Variants in GTF2A2 observed in about 807,000 individuals in gnomAD.
The protein encoded by GTF2A2 is transcription initiation factor IIA subunit 2.
Under a neutral mutation model 14.3 loss-of-function variants are expected in GTF2A2, and 9 were observed. The ratio of observed to expected loss-of-function variants is 0.63; its 90% CI spans 0.38 to 1.10. GTF2A2 has a LOEUF of 1.10. GTF2A2 is among the 50% of genes least tolerant of loss of function. The pLI, the probability that GTF2A2 is intolerant of heterozygous loss-of-function variation, is 0.01. For missense variants in GTF2A2, 90 were observed against 124.6 expected (o/e 0.72, Z 1.32); for synonymous variants, 56 against 46.0 (o/e 1.22, Z -0.88).
chr15:59,642,386 C>CCTTAA (rs1318539878), intron 3 of GTF2A2, 124 bp from the exon 4 acceptor site: 12 of 786,572 alleles, frequency 1.5e-5, no homozygotes, highest in Admixed American at 3.3e-5. Flanking sequence ...TTAAGATTTT[C>CCTTAA]CTTAACTTTA....
At chr15:59,647,840 G>A (rs1891656659) in intron 3 of GTF2A2, among the ~76,000 whole-genome samples, 1 of 152,034 alleles carries the variant, frequency 6.6e-6, no homozygotes. Flanking sequence ...AAAGTGCTGG[G>A]GTTACAGGCA....
intron 1 of GTF2A2, 109 bp from the exon 2 acceptor site, chr15:59,652,435 T>G (rs1055858005): frequency 1.2e-5 from 7 of 560,162 alleles, no homozygotes; most frequent in Non-Finnish European, 2.2e-5. Context: ...GGAGAACGCT[T>G]AGTGGTTGCA....
chr15:59,641,179 CTCTTTTTTT>C (rs1297532260), intron 4 of GTF2A2, among the ~76,000 whole-genome samples: 5 of 77,786 alleles, frequency 6.4e-5, no homozygotes, highest in African/African-American at 2.0e-4. Flanking sequence ...TACAGCAAGA[CTCTTTTTTT>C]TTTTTTTTTT....
At chr15:59,646,416 C>G (rs578055810) in intron 3 of GTF2A2, among the ~76,000 whole-genome samples, 2 of 152,268 alleles carry the variant, frequency 1.3e-5, no homozygotes, top group African/African-American at 4.8e-5. Flanking sequence ...CACCCTTTCC[C>G]CAAAGTTCCC....
rs1447690706 is a variant in GTF2A2, at chr15:59,638,842, C to CT, written c.*289dup. 3 of 315,912 alleles carry CT rather than the reference C, an allele frequency of 9.5e-6. No individual in the cohort carries two copies. Among genetic ancestry groups the CT allele is most frequent in the Non-Finnish European group, 1.7e-5 (3 of 171,730 alleles). The allele number at this position is 315,912 out of a possible 1,614,324, so 19.6% of individuals were successfully genotyped here. On this transcript the variant is annotated 3_prime_UTR_variant, in exon 5 of 5. Transcript: ENST00000396060. ...TTATCTAATATCTTCATATTGCTACCTTAATAGCTTCACCAGTTATTACTC... is the reference window on the plus strand; with the variant it reads ...TTATCTAATATCTTCATATTGCTACCTTTAATAGCTTCACCAGTTATTACTC...
At chr15:59,640,257 TGTATA>T (rs746285947) in intron 4 of GTF2A2, 9 of 152,086 alleles carry the variant, frequency 5.9e-5, no homozygotes, top group Non-Finnish European at 1.0e-4. Context: ...AAAACAATCT[TGTATA>T]GTAAAGAGAA....
intron 3 of GTF2A2, 63 bp downstream of exon 3, chr15:59,650,604 TAA>T: frequency 1.1e-6 from 1 of 879,302 alleles, no homozygotes; most frequent in Non-Finnish European, 1.8e-6. Context: ...GTAGGGGTCC[TAA>T]AAAAAAATCA....
intron 4 of GTF2A2, among the ~76,000 whole-genome samples, chr15:59,641,143 C>T (rs1891407117): frequency 6.7e-6 from 1 of 149,476 alleles, no homozygotes. Context: ...CACCTGAGCC[C>T]AGGAGTTTAA....
At chr15:59,641,179 CTCTT>C (rs1326801425) in intron 4 of GTF2A2, among the ~76,000 whole-genome samples, 2 of 77,786 alleles carry the variant, frequency 2.6e-5, no homozygotes, top group Non-Finnish European at 5.2e-5. Context: ...TACAGCAAGA[CTCTT>C]TTTTTTTTTT....
In GTF2A2 at chr15:59,639,375, T is replaced by G. The variant is rs189845338; in HGVS notation, c.305-218A>C. Among the ~76,000 whole-genome samples the G allele has an allele frequency of 6.1e-3, 926 of 152,096 alleles. 4 individuals are homozygous for G. The highest frequency in any genetic ancestry group is 0.011 in the Non-Finnish European group (748 of 67,860). ...ATACAAAGATGCTTAGCTCCTCATA[T>G]TCATACTAGAGTAAAACTAAGTTGA... On this transcript the variant is annotated intron_variant, in intron 4 of 4. Transcript: ENST00000396060.
chr15:59,642,874 C>A (rs945740057), intron 3 of GTF2A2, among the ~76,000 whole-genome samples: 16 of 152,172 alleles, frequency 1.1e-4, no homozygotes, highest in African/African-American at 3.6e-4. Context: ...TCAAGAGATT[C>A]TCCTACCTCA....
intron 3 of GTF2A2, among the ~76,000 whole-genome samples, chr15:59,643,677 A>C (rs1891509587): frequency 6.7e-6 from 1 of 148,450 alleles, no homozygotes. Context: ...AGCTCACTGC[A>C]ACCTCCACTT....
At chr15:59,640,950 T>A (rs1891399151) in intron 4 of GTF2A2, among the ~76,000 whole-genome samples, 1 of 152,202 alleles carries the variant, frequency 6.6e-6, no homozygotes, top group Admixed American at 6.5e-5. Context: ...TAGGTAACCT[T>A]CTGAACTATA....
Position 59,650,774 on chromosome 15 carries a change from CTG to C in GTF2A2, c.73-3_73-2del. The C allele has an allele frequency of 6.5e-7, 1 of 1,541,626 alleles. No individual in the cohort carries two copies. The highest frequency in any genetic ancestry group is 9.0e-7 in the Non-Finnish European group (1 of 1,115,204). On this transcript the variant is annotated splice_acceptor_variant and splice_polypyrimidine_tract_variant and intron_variant, in intron 2 of 4. Coordinates refer to ENST00000396060, the MANE Select transcript of GTF2A2 (RefSeq NM_004492.3). LOFTEE classifies it high-confidence loss of function. Reference sequence around the variant, plus strand: ...CAAGTTGGGGGGTGATCTGTTGAGACTGAGAAAAGGTAAAGGTCATAAATCCC... The same window carrying C: ...CAAGTTGGGGGGTGATCTGTTGAGACAGAAAAGGTAAAGGTCATAAATCCC...
intron 3 of GTF2A2, 123 bp from the exon 4 acceptor site, chr15:59,642,385 T>C (rs1243897014): frequency 2.5e-6 from 2 of 790,380 alleles, no homozygotes; most frequent in Non-Finnish European, 3.7e-6. Flanking sequence ...CTTAAGATTT[T>C]CCTTAACTTT....
intron 1 of GTF2A2, among the ~76,000 whole-genome samples, chr15:59,655,033 T>C (rs778622052): frequency 3.9e-5 from 6 of 152,208 alleles, no homozygotes; most frequent in Non-Finnish European, 8.8e-5. Context: ...TTGAACTCTA[T>C]ACCTATTTTT....
At chr15:59,650,346 G>A (rs554786012) in intron 3 of GTF2A2, among the ~76,000 whole-genome samples, 2 of 152,164 alleles carry the variant, frequency 1.3e-5, no homozygotes, top group African/African-American at 4.8e-5. Flanking sequence ...GGATTACTCC[G>A]CCACTTACCT....
At position 59,642,248 on chromosome 15, in the gene GTF2A2, C is replaced by G. The variant is rs370188854; in HGVS notation, c.192G>C (p.Thr64=). ...TCCACACATTATCGCAGAATCTGTA[C>G]GTATTTAGAGAGCCCTTTAAAACAA... ...NRVNFRGSLN[T]YRFCDNVWTF... is the part of the protein sequence containing the mutation. Residue 64 remains threonine, a synonymous_variant, in exon 4 of 5, where the codon ACG becomes ACC. Transcript: ENST00000396060. 1.2e-6 allele frequency: 2 copies of G among 1,606,732 alleles called. No individual in the cohort carries two copies. Among genetic ancestry groups the G allele is most frequent in the Admixed American group, 1.7e-5 (1 of 58,706 alleles).
In GTF2A2 at chr15:59,638,968, TGTAAGAGGCTA is replaced by T. The variant is rs796601818; in HGVS notation, c.*153_*163del. On this transcript the variant is annotated 3_prime_UTR_variant, in exon 5 of 5. Transcript: ENST00000396060. ...TTTTCATGCTGTATAATAAAGGTGA[TGTAAGAGGCTA>T]CAGAGTTACAAGTTTCTTTCTACTG... 47 of 606,288 alleles carry T rather than the reference TGTAAGAGGCTA, an allele frequency of 7.8e-5. No individual in the cohort carries two copies. In the African/African-American group the frequency reaches 7.9e-4, roughly 10 times the overall value. 37.6% of individuals were successfully genotyped at this position (606,288 alleles called of 1,614,324 possible). A position where few individuals can be genotyped will look rare whatever the true frequency, so the allele number is the denominator to read the frequency against.
Sources: allele counts gnomAD v4.1 joint callset (sites outside exome capture counted in the v4.1 genomes callset), GRCh38; gene constraint gnomAD v4.1.1; transcripts MANE v1.5; gene names NCBI Gene and HGNC (gene_info 2026-07-23, HGNC 2026-07-21).